Variants in LUZP2 observed in about 807,000 individuals in gnomAD.
The protein encoded by LUZP2 is leucine zipper protein 2.
In LUZP2, 52 loss-of-function variants were observed where a neutral mutation model predicts 51.6. The observed-to-expected ratio is 1.01, with a 90% confidence interval of 0.81 to 1.27. LUZP2 has a LOEUF of 1.27. LUZP2 is among the 50% of genes most tolerant of loss of function. LUZP2 has a pLI of 0.00. For missense variants in LUZP2, 436 were observed against 395.4 expected (o/e 1.10, Z -0.87); for synonymous variants, 154 against 137.3 (o/e 1.12, Z -0.85).
chr11:25,008,170 C>T (rs1467714617), intron 9 of LUZP2, among the ~76,000 whole-genome samples: 1 of 152,178 alleles, frequency 6.6e-6, no homozygotes, highest in Non-Finnish European at 1.5e-5. Context: ...GGGCTGCACT[C>T]AGCTCATGCT....
chr11:24,894,660 A>G (rs11028257), intron 5 of LUZP2, among the ~76,000 whole-genome samples: 1 of 150,810 alleles, frequency 6.6e-6, no homozygotes, highest in Non-Finnish European at 1.5e-5. Context: ...TATGTCTATG[A>G]GTATTCAATG....
chr11:24,589,506 G>A (rs1853187448), intron 1 of LUZP2, among the ~76,000 whole-genome samples: 1 of 152,130 alleles, frequency 6.6e-6, no homozygotes, highest in Non-Finnish European at 1.5e-5. Flanking sequence ...TCTGATATCA[G>A]ACTTCTAATA....
chr11:24,709,987 T>G (rs1296780958), intron 1 of LUZP2, among the ~76,000 whole-genome samples: 2 of 152,190 alleles, frequency 1.3e-5, no homozygotes, highest in Non-Finnish European at 2.9e-5. Flanking sequence ...TCCTGTTATA[T>G]GCTCCCACTT....
intron 9 of LUZP2, among the ~76,000 whole-genome samples, chr11:24,999,452 AAAG>A (rs1180614246): frequency 6.6e-6 from 1 of 151,298 alleles, no homozygotes; most frequent in Non-Finnish European, 1.5e-5. Context: ...GGAGAAGGAG[AAAG>A]AAGAGAAGGA....
chr11:25,007,777 T>C (rs1467345404), intron 9 of LUZP2, among the ~76,000 whole-genome samples: 1 of 152,166 alleles, frequency 6.6e-6, no homozygotes, highest in Non-Finnish European at 1.5e-5. Flanking sequence ...TATATACATA[T>C]GTATCTACTG....
chr11:24,783,618 C>G (rs896867600), intron 5 of LUZP2, among the ~76,000 whole-genome samples: 2 of 151,884 alleles, frequency 1.3e-5, no homozygotes, highest in Admixed American at 1.3e-4. Context: ...CATGAATCTG[C>G]AACCTTCAAC....
At chr11:25,069,482 T>G (rs1184149885) in intron 10 of LUZP2, among the ~76,000 whole-genome samples, 1 of 151,904 alleles carries the variant, frequency 6.6e-6, no homozygotes, top group Non-Finnish European at 1.5e-5. Context: ...TATTTTCAAT[T>G]TTCAAACCCC....
At chr11:24,514,002 C>T (rs1011631023) in intron 1 of LUZP2, among the ~76,000 whole-genome samples, 1 of 152,160 alleles carries the variant, frequency 6.6e-6, no homozygotes, top group Non-Finnish European at 1.5e-5. Context: ...GATTCCCTGG[C>T]TATGTTCTAT....
At chr11:24,786,643 T>C (rs1849253429) in intron 5 of LUZP2, 1 of 30,040 alleles carries the variant, frequency 3.3e-5, no homozygotes, top group South Asian at 1.2e-3. Context: ...ATATATTATA[T>C]ACCACATAGG....
At chr11:24,536,782 A>C (rs533292980) in intron 1 of LUZP2, among the ~76,000 whole-genome samples, 1 of 151,886 alleles carries the variant, frequency 6.6e-6, no homozygotes, top group Non-Finnish European at 1.5e-5. Context: ...CAACTTTGCT[A>C]TCTCTTTGAC....
intron 1 of LUZP2, among the ~76,000 whole-genome samples, chr11:24,701,953 T>A (rs556041275): frequency 6.2e-4 from 94 of 152,330 alleles, no homozygotes; most frequent in African/African-American, 2.2e-3. Context: ...TCTATTCCCA[T>A]GTTGTTTTTC....
At chr11:24,543,823 C>CAAAAAAAAAAAA (rs71041774) in intron 1 of LUZP2, among the ~76,000 whole-genome samples, 13 of 75,584 alleles carry the variant, frequency 1.7e-4, no homozygotes, top group East Asian at 9.0e-4. Context: ...CTCTGTCTCA[C>CAAAAAAAAAAAA]AAAAAAAAAA....
At chr11:24,714,139 G>T (rs957364825) in intron 1 of LUZP2, among the ~76,000 whole-genome samples, 3 of 152,142 alleles carry the variant, frequency 2.0e-5, no homozygotes, top group East Asian at 3.9e-4. Flanking sequence ...TAAGACATAT[G>T]TTGGGGGTAG....
intron 1 of LUZP2, among the ~76,000 whole-genome samples, chr11:24,699,654 C>CAT (rs145387003): frequency 0.26 from 37,919 of 148,586 alleles, 5,511 homozygotes; most frequent in Middle Eastern, 0.36. Context: ...TAGCCTTGGC[C>CAT]ATATATATAT....
chr11:25,015,163 A>G (rs371148649), intron 9 of LUZP2, among the ~76,000 whole-genome samples: 1 of 152,166 alleles, frequency 6.6e-6, no homozygotes, highest in Non-Finnish European at 1.5e-5. Context: ...GTCATGCTAT[A>G]TCCGTATAAA....
chr11:24,505,273 A>G (rs1850113182), intron 1 of LUZP2, among the ~76,000 whole-genome samples: 1 of 152,170 alleles, frequency 6.6e-6, no homozygotes, highest in South Asian at 2.1e-4. Flanking sequence ...GAGTGCTGAT[A>G]AATGGAGTCG....
chr11:24,997,033 G>A (rs534581529), intron 9 of LUZP2, among the ~76,000 whole-genome samples: 3 of 149,348 alleles, frequency 2.0e-5, no homozygotes, highest in African/African-American at 7.5e-5. Context: ...GGACATTTGG[G>A]TTGGTTCCAA....
chr11:25,026,268 G>A (rs1282206542), intron 9 of LUZP2, among the ~76,000 whole-genome samples: 1 of 151,996 alleles, frequency 6.6e-6, no homozygotes, highest in Non-Finnish European at 1.5e-5. Context: ...TTGTGCACAT[G>A]TACCCTAGAC....
chr11:24,573,051 C>T (rs1278733453), intron 1 of LUZP2, among the ~76,000 whole-genome samples: 1 of 151,386 alleles, frequency 6.6e-6, no homozygotes, highest in African/African-American at 2.4e-5. Context: ...CAGCATGAGA[C>T]CATGATAGGT....
Sources: allele counts gnomAD v4.1 joint callset (sites outside exome capture counted in the v4.1 genomes callset), GRCh38; gene constraint gnomAD v4.1.1; transcripts MANE v1.5; gene names NCBI Gene and HGNC (gene_info 2026-07-23, HGNC 2026-07-21).